The following SLC41A1 variants were observed in gnomAD, a reference collection of about 807,000 sequenced individuals.
The protein encoded by SLC41A1 is solute carrier family 41 member 1.
A neutral mutation model predicts 47.3 loss-of-function variants in SLC41A1; 20 were observed. The observed-to-expected ratio is 0.42, with a 90% CI of 0.30 to 0.61. The LOEUF (loss-of-function observed/expected upper bound fraction) is 0.61. Among genes scored for constraint, SLC41A1 ranks in the 20% least tolerant of loss-of-function variants. The pLI is 0.17. For synonymous variants in SLC41A1, 282 were observed against 272.7 expected (o/e 1.03, Z -0.34); for missense variants, 504 against 674.1 (o/e 0.75, Z 2.79).
Position 205,800,874 on chromosome 1 carries a change from C to T in SLC41A1, c.480+79G>A, listed in dbSNP as rs563170069. Reference sequence around the variant, plus strand: ...CAGGCCTGGGCAGTGGAGAAGGGCTCGTAGCCCTCTCCCAGTCTCTGGCTC... The same window carrying T: ...CAGGCCTGGGCAGTGGAGAAGGGCTTGTAGCCCTCTCCCAGTCTCTGGCTC... On this transcript the variant is annotated intron_variant, in intron 3 of 10. Coordinates refer to ENST00000367137, the MANE Select transcript of SLC41A1 (RefSeq NM_173854.6). 1.7e-5 allele frequency: 23 copies of T among 1,341,490 alleles called. No individual in the cohort carries two copies. In the East Asian group the frequency reaches 2.8e-4, roughly 16 times the overall value. 83.1% of individuals were successfully genotyped at this position (1,341,490 alleles called of 1,614,324 possible). A position where few individuals can be genotyped will look rare whatever the true frequency, so the allele number is the denominator to read the frequency against.
At chr1:205,800,822 C>T (rs1655861872) in intron 3 of SLC41A1, 131 bp downstream of exon 3, 1 of 861,484 alleles carries the variant, frequency 1.2e-6, no homozygotes, top group Non-Finnish European at 1.9e-6. Context: ...CAGCCAGGCC[C>T]TCCCTTCCCA....
chr1:205,795,306 C>T, intron 9 of SLC41A1, 38 bp downstream of exon 9: 17 of 1,614,074 alleles, frequency 1.1e-5, no homozygotes, highest in Non-Finnish European at 1.4e-5. Flanking sequence ...AGTAGGCCCA[C>T]TCCCCCCAGG....
chr1:205,805,511 C>T (rs752726325), intron 2 of SLC41A1, among the ~76,000 whole-genome samples: 3 of 152,138 alleles, frequency 2.0e-5, no homozygotes, highest in Non-Finnish European at 4.4e-5. Flanking sequence ...AAGTCACACC[C>T]GTCTGCCAAG....
At chr1:205,812,641 C>A (rs1656184558) in intron 1 of SLC41A1, 167 bp downstream of exon 1, 2 of 566,234 alleles carry the variant, frequency 3.5e-6, no homozygotes, top group East Asian at 1.5e-4. Context: ...TCCTCCCAGG[C>A]GGGGACAAAA....
chr1:205,795,338 C>T lies in SLC41A1; in HGVS notation c.1207+6G>A, dbSNP rs568778731. ...CAGGGCTGGGAGGCTGGGAATCTGC[C>T]GTTACCAGGGCTGAAGAAGGTGGTA... On this transcript the variant is annotated splice_donor_region_variant and intron_variant, in intron 9 of 10. Transcript: ENST00000367137. The T allele has an allele frequency of 2.6e-5, 42 of 1,614,184 alleles. 1 individual carries two copies. In the South Asian group the frequency reaches 3.2e-4, roughly 12 times the overall value.
intron 2 of SLC41A1, among the ~76,000 whole-genome samples, chr1:205,809,517 C>T (rs962637335): frequency 3.3e-5 from 5 of 152,194 alleles, no homozygotes; most frequent in Non-Finnish European, 7.4e-5. Context: ...CCCACCCCCA[C>T]CCCCCAAGGG....
At chr1:205,809,060 G>T (rs1244175283) in intron 2 of SLC41A1, among the ~76,000 whole-genome samples, 1 of 152,200 alleles carries the variant, frequency 6.6e-6, no homozygotes, top group East Asian at 1.9e-4. Context: ...ATCTCCTCCT[G>T]CCTTGGTATT....
At chr1:205,797,841 T>A in intron 7 of SLC41A1, 63 bp downstream of exon 7, 2 of 1,609,072 alleles carry the variant, frequency 1.2e-6, no homozygotes, top group Non-Finnish European at 8.5e-7. Context: ...CTCCAGGGTT[T>A]AAAAAGAAGT....
intron 3 of SLC41A1, among the ~76,000 whole-genome samples, chr1:205,800,045 A>AGG (rs1655844336): frequency 6.6e-6 from 1 of 152,160 alleles, no homozygotes; most frequent in African/African-American, 2.4e-5. Context: ...GGGGGTTGGA[A>AGG]GGGGGTCCCC....
intron 2 of SLC41A1, among the ~76,000 whole-genome samples, chr1:205,802,267 T>G (rs1448036465): frequency 6.6e-6 from 1 of 152,170 alleles, no homozygotes; most frequent in Non-Finnish European, 1.5e-5. Context: ...ACAGCAGGGA[T>G]GGCCCCCTGC....
chr1:205,798,670 C>A lies in SLC41A1; in HGVS notation c.843G>T (p.Leu281=), dbSNP rs1655801472. The A allele has an allele frequency of 6.2e-7, 1 of 1,614,220 alleles. No homozygotes were observed. The highest frequency in any genetic ancestry group is 1.1e-5 in the South Asian group (1 of 91,076). Residue 281 remains leucine, a splice_region_variant and synonymous_variant, in exon 6 of 11, where the codon CTG becomes CTT. Transcript: ENST00000367137. ...GAAGCCACACTCTTGGTGGCTCACT[C>A]AGTTCCAGGTAGAGTCCCCAGCTGA... ...SGISWGLYLE[L]NHWRYIYPLV... is the part of the protein sequence containing the mutation.
Position 205,801,044 on chromosome 1 carries a change from T to C in SLC41A1, c.389A>G (p.Gln130Arg), listed in dbSNP as rs1404388456. ...LDIVQHWEVFQKVTEVFILVP... is the reference protein window; with the variant it reads ...LDIVQHWEVFRKVTEVFILVP... ...TAGGATGAAGACCTCTGTCACCTTC[T>C]GGAAGACTTCCCAGTGCTACGAGGT... Residue 130 changes from glutamine to arginine, a missense_variant, in exon 3 of 11, where the codon CAG becomes CGG. Physicochemically the swap from Gln to Arg is conservative, Grantham distance 43 (BLOSUM62 1). Transcript: ENST00000367137. The C allele has an allele frequency of 6.2e-7, 1 of 1,614,170 alleles. No homozygotes were observed. Among genetic ancestry groups the C allele is most frequent in the Admixed American group, 1.7e-5 (1 of 60,036 alleles).
chr1:205,804,556 T>C (rs1205655017), intron 2 of SLC41A1, among the ~76,000 whole-genome samples: 1 of 152,178 alleles, frequency 6.6e-6, no homozygotes, highest in Non-Finnish European at 1.5e-5. Context: ...GAGCCCCATC[T>C]GCCCTGGAGC....
chr1:205,793,435 C>G (rs182186079), intron 10 of SLC41A1, among the ~76,000 whole-genome samples: 1 of 152,340 alleles, frequency 6.6e-6, no homozygotes, highest in East Asian at 1.9e-4. Flanking sequence ...CCACCCCCAT[C>G]TTCCCACCAC....
rs1655636268 is a variant in SLC41A1 at position 205,791,878 on chromosome 1, TCCACC to T, written c.1357-165_1357-161del. ...CACCCCAGCAACCTCTCTGTGTTTCTCCACCCCACAATTACCACTTTGAGCAGACA... is the reference window on the plus strand; with the variant it reads ...CACCCCAGCAACCTCTCTGTGTTTCTCCACAATTACCACTTTGAGCAGACA... On this transcript the variant is annotated intron_variant, in intron 10 of 10. Coordinates refer to ENST00000367137, the MANE Select transcript of SLC41A1 (RefSeq NM_173854.6). This position sits in a 1 kb window ranked among gnomAD's most constrained non-coding sequence, Gnocchi z 4.0. Among the ~76,000 whole-genome samples, 1 of 152,212 alleles carries T rather than the reference TCCACC, an allele frequency of 6.6e-6. No homozygotes were observed. Among genetic ancestry groups the T allele is most frequent in the Non-Finnish European group, 1.5e-5 (1 of 68,042 alleles).
chr1:205,797,899 C>A lies in SLC41A1; in HGVS notation c.992+5G>T, dbSNP rs780026645. ...TAGGAGTGGATACTCAGGGCCCCAG[C>A]CTACCTGCTGATGGCCATGGCAATG... On this transcript the variant is annotated splice_donor_5th_base_variant and intron_variant, in intron 7 of 10. Transcript: ENST00000367137. 1.9e-6 allele frequency: 3 copies of A among 1,613,918 alleles called. No homozygotes were observed. In the African/African-American group the frequency reaches 4.0e-5, roughly 22 times the overall value.
At chr1:205,800,091 T>G (rs1655845587) in intron 3 of SLC41A1, among the ~76,000 whole-genome samples, 1 of 152,222 alleles carries the variant, frequency 6.6e-6, no homozygotes, top group African/African-American at 2.4e-5. Flanking sequence ...GGACACCAGC[T>G]GAGCAGAGGC....
rs1293183726 is a variant in SLC41A1 at position 205,795,748 on chromosome 1, G to C, written c.1073-270C>G. The C allele has an allele frequency of 7.3e-6, 4 of 548,958 alleles. No individual in the cohort carries two copies. The African/African-American group carries it at 7.6e-5, about 10-fold the overall frequency. 34.0% of individuals were successfully genotyped at this position (548,958 alleles called of 1,614,324 possible). A position where few individuals can be genotyped will look rare whatever the true frequency, so the allele number is the denominator to read the frequency against. ...AGCAGTTCCATGTTCCCCTGGCAAA[G>C]CTGTGACAGTGCCGGAAAGGATACG... On this transcript the variant is annotated intron_variant, in intron 8 of 10. Transcript: ENST00000367137.
Position 205,805,509 on chromosome 1 carries a change from C to A in SLC41A1, c.373-4449G>T, listed in dbSNP as rs766283140. Reference sequence around the variant, plus strand: ...AGGAGTATCTGCCCCTGAAGTCACACCCGTCTGCCAAGCAGCCACCCACGC... The same window carrying A: ...AGGAGTATCTGCCCCTGAAGTCACAACCGTCTGCCAAGCAGCCACCCACGC... On this transcript the variant is annotated intron_variant, in intron 2 of 10. Coordinates refer to ENST00000367137, the MANE Select transcript of SLC41A1 (RefSeq NM_173854.6). Among the ~76,000 whole-genome samples, 29 of 152,178 alleles carry A rather than the reference C, an allele frequency of 1.9e-4. 1 individual carries two copies. Among genetic ancestry groups the A allele is most frequent in the Admixed American group, 1.7e-3 (26 of 15,276 alleles).
Sources: gnomAD v4.1 joint callset for allele counts (sites outside exome capture counted in the v4.1 genomes callset) on GRCh38, gnomAD v4.1.1 for gene constraint, Gnocchi (gnomAD v3.1) non-coding constraint, MANE v1.5 for transcripts, NCBI Gene and HGNC (gene_info 2026-07-23, HGNC 2026-07-21) for gene names.